The following DBT variants were observed in gnomAD, a reference collection of about 807,000 sequenced individuals.
DBT encodes dihydrolipoamide branched chain transacylase E2, also known as lipoamide acyltransferase component of branched-chain alpha-keto acid dehydrogenase complex, mitochondrial.
In DBT, 40 loss-of-function variants were observed where a neutral mutation model predicts 51.3. The observed-to-expected ratio is 0.78, with a 90% CI of 0.61 to 1.02. The LOEUF (loss-of-function observed/expected upper bound fraction) is 1.02, where lower values mean the gene tolerates loss of function less well. DBT is among the 50% of genes least tolerant of loss of function. The probability of loss-of-function intolerance (pLI) is 0.00; values close to 1 mark genes in which losing one functional copy is unlikely to be tolerated. For missense variants in DBT, 510 were observed against 580.2 expected, an observed-to-expected ratio of 0.88 and a Z score of 1.24; for synonymous variants, 181 against 190.4, an observed-to-expected ratio of 0.95 and a Z score of 0.41.
chr1:100,214,458 A>G (rs1373974786), intron 7 of DBT, among the ~76,000 whole-genome samples: 2 of 152,220 alleles, frequency 1.3e-5, no homozygotes, highest in African/African-American at 4.8e-5. Flanking sequence ...CAAAATTTAA[A>G]TGTCCTACTT....
rs1660838009 is a variant in DBT, at chr1:100,192,032, C to T, written c.*4223G>A. ...CCAGGCTGGTCTCAAACTCTGGACT[C>T]AAGAGGCCCACCCATTTAGGCCTCC... On this transcript the variant is annotated 3_prime_UTR_variant, in exon 11 of 11. Transcript: ENST00000370132. 1.3e-5 allele frequency: 2 copies of T among 151,546 alleles called. No individual in the cohort carries two copies. Among genetic ancestry groups the T allele is most frequent in the African/African-American group, 4.9e-5 (2 of 41,222 alleles). The allele number at this position is 151,546 out of a possible 1,614,324, so 9.4% of individuals were successfully genotyped here.
chr1:100,241,592 T>C (rs1032866202), intron 1 of DBT, among the ~76,000 whole-genome samples: 85 of 152,192 alleles, frequency 5.6e-4, no homozygotes, highest in African/African-American at 2.0e-3. Flanking sequence ...AGACAAGGTC[T>C]CAGTATGTTG....
chr1:100,228,260 T>C (rs2100822297), intron 4 of DBT, among the ~76,000 whole-genome samples: 1 of 152,234 alleles, frequency 6.6e-6, no homozygotes, highest in South Asian at 2.1e-4. Context: ...TTTGACATTC[T>C]GCAAAACAAA....
At chr1:100,221,760 G>A (rs1382068044) in intron 4 of DBT, among the ~76,000 whole-genome samples, 1 of 152,132 alleles carries the variant, frequency 6.6e-6, no homozygotes, top group Non-Finnish European at 1.5e-5. Flanking sequence ...TGTCAATCTC[G>A]TGTTAAGGTA....
chr1:100,232,850 T>C lies in DBT; in HGVS notation c.252-1936A>G, dbSNP rs1441033352. On this transcript the variant is annotated intron_variant, in intron 3 of 10. Transcript: ENST00000370132. ...AAGGAAGGAAGAGACAATAGAGCTA[T>C]ATTGGAGCAGAGTCTTTGTATTCTA... is the stretch of plus-strand genomic sequence containing the variant. Among the ~76,000 whole-genome samples, 7 of 152,218 alleles carry C rather than the reference T, an allele frequency of 4.6e-5. No individual in the cohort carries two copies. In the South Asian group the frequency reaches 1.4e-3, roughly 32 times the overall value.
In DBT at chr1:100,215,013, T is replaced by G. The variant is rs377391329; in HGVS notation, c.773-30A>C. On this transcript the variant is annotated intron_variant, in intron 6 of 10. Coordinates refer to ENST00000370132, the MANE Select transcript of DBT (RefSeq NM_001918.5). ...AAAGCATTAAATTGTTATTCATTTA[T>G]TTAAATTCTCAAATCTCTTCATCCT... 1.4e-5 allele frequency: 21 copies of G among 1,539,114 alleles called. No individual in the cohort carries two copies. The African/African-American group carries it at 2.9e-4, about 21-fold the overall frequency.
intron 7 of DBT, among the ~76,000 whole-genome samples, chr1:100,214,606 T>C (rs1252421107): frequency 6.6e-6 from 1 of 152,010 alleles, no homozygotes. Context: ...AATACAAAAT[T>C]AGCCAGGCGT....
At chr1:100,225,990 T>C (rs1484426065) in intron 4 of DBT, among the ~76,000 whole-genome samples, 3 of 152,126 alleles carry the variant, frequency 2.0e-5, no homozygotes, top group East Asian at 1.9e-4. Flanking sequence ...CAAGACCCCA[T>C]GTCAAAAAAC....
intron 1 of DBT, among the ~76,000 whole-genome samples, chr1:100,246,570 CACA>C (rs1435628048): frequency 2.0e-5 from 3 of 152,056 alleles, no homozygotes; most frequent in Non-Finnish European, 4.4e-5. Flanking sequence ...AAATGTAAAA[CACA>C]ACATTATAAG....
intron 4 of DBT, among the ~76,000 whole-genome samples, chr1:100,229,616 C>T (rs927756580): frequency 6.6e-6 from 1 of 152,188 alleles, no homozygotes; most frequent in South Asian, 2.1e-4. Context: ...GACTGTAGAA[C>T]TAAGTGTCAG....
At position 100,187,237 on chromosome 1, in the gene DBT, TA is replaced by T. The variant is rs1239016876; in HGVS notation, c.*9017del. ...AATCGGAAGAATAGAATAAAAGACA[TA>T]AAAGTCTTTCTTCAAAAGAAAAACA... On this transcript the variant is annotated 3_prime_UTR_variant, in exon 11 of 11. Transcript: ENST00000370132. The T allele has an allele frequency of 1.3e-5, 2 of 152,042 alleles. No homozygotes were observed. Among genetic ancestry groups the T allele is most frequent in the South Asian group, 2.1e-4 (1 of 4,822 alleles). 9.4% of individuals were successfully genotyped at this position (152,042 alleles called of 1,614,324 possible). A position where few individuals can be genotyped will look rare whatever the true frequency, so the allele number is the denominator to read the frequency against.
chr1:100,221,045 A>C (rs1223253172), intron 4 of DBT, among the ~76,000 whole-genome samples: 2 of 152,216 alleles, frequency 1.3e-5, no homozygotes, highest in African/African-American at 4.8e-5. Flanking sequence ...TATTTGCTGA[A>C]GAGAATGTAT....
intron 4 of DBT, among the ~76,000 whole-genome samples, chr1:100,224,843 C>T (rs373068315): frequency 2.2e-4 from 33 of 151,122 alleles, no homozygotes; most frequent in Middle Eastern, 3.4e-3. Flanking sequence ...GGTGAAACCC[C>T]GTCTCTACTA....
chr1:100,213,601 CT>C, intron 7 of DBT: 1 of 1,598,770 alleles, frequency 6.3e-7, no homozygotes, highest in Non-Finnish European at 8.6e-7. Context: ...TCCTGTTCCC[CT>C]TTGGGTTCAT....
At chr1:100,208,617 G>C (rs1306768130) in intron 8 of DBT, among the ~76,000 whole-genome samples, 1 of 151,934 alleles carries the variant, frequency 6.6e-6, no homozygotes, top group African/African-American at 2.4e-5. Context: ...AAAATGAAGA[G>C]GCTGGGCACA....
intron 1 of DBT, among the ~76,000 whole-genome samples, chr1:100,242,188 G>A (rs951087833): frequency 4.6e-5 from 7 of 151,486 alleles, no homozygotes; most frequent in Non-Finnish European, 1.0e-4. Context: ...TTTCATGTAT[G>A]TAACAGAGTC....
At chr1:100,210,203 C>T (rs1329932954) in intron 8 of DBT, among the ~76,000 whole-genome samples, 1 of 151,398 alleles carries the variant, frequency 6.6e-6, no homozygotes, top group African/African-American at 2.4e-5. Context: ...CCCAGCTACA[C>T]AGGAGGCTGG....
At chr1:100,212,672 G>A (rs529229387) in intron 7 of DBT, among the ~76,000 whole-genome samples, 2 of 152,314 alleles carry the variant, frequency 1.3e-5, no homozygotes, top group Admixed American at 1.3e-4. Flanking sequence ...TAAGTTAACA[G>A]TGGGAAACAA....
chr1:100,227,734 G>A (rs1663304864), intron 4 of DBT, among the ~76,000 whole-genome samples: 1 of 152,214 alleles, frequency 6.6e-6, no homozygotes, highest in Non-Finnish European at 1.5e-5. Context: ...GTATCCTGAT[G>A]TGAGGCAACA....
Sources: allele counts gnomAD v4.1 joint callset (sites outside exome capture counted in the v4.1 genomes callset), GRCh38; gene constraint gnomAD v4.1.1; transcripts MANE v1.5; gene names NCBI Gene and HGNC (gene_info 2026-07-23, HGNC 2026-07-21).